Variants in ASCC3 observed in about 807,000 individuals in gnomAD.
ASCC3 encodes activating signal cointegrator 1 complex subunit 3, also known as ASC-1 complex subunit P200.
Under a neutral mutation model 256.3 loss-of-function variants are expected in ASCC3, and 158 were observed. The ratio of observed to expected loss-of-function variants is 0.62; its 90% CI spans 0.54 to 0.70. The LOEUF is 0.70. Among genes scored for constraint, ASCC3 ranks in the 30% least tolerant of loss-of-function variants. ASCC3 has a pLI of 0.00. For missense variants in ASCC3, 2,259 were observed against 2,626.0 expected, an observed-to-expected ratio of 0.86 and a Z score of 3.05; for synonymous variants, 948 against 883.4, an observed-to-expected ratio of 1.07 and a Z score of -1.30.
intron 1 of ASCC3, among the ~76,000 whole-genome samples, chr6:100,868,439 G>T (rs1015883128): frequency 6.6e-5 from 10 of 152,136 alleles, no homozygotes; most frequent in African/African-American, 2.4e-4. Context: ...GGTTTCCCTT[G>T]ATGTTCGTAT....
chr6:100,722,346 G>T (rs994084813), intron 11 of ASCC3, among the ~76,000 whole-genome samples: 3 of 151,482 alleles, frequency 2.0e-5, no homozygotes, highest in African/African-American at 7.3e-5. Context: ...ATTAATTTTA[G>T]AATAGTTTTT....
At chr6:100,786,535 A>T (rs1178390978) in intron 8 of ASCC3, among the ~76,000 whole-genome samples, 1 of 152,212 alleles carries the variant, frequency 6.6e-6, no homozygotes, top group East Asian at 1.9e-4. Flanking sequence ...CAAATATTTT[A>T]TCCTTTGCAA....
intron 34 of ASCC3, among the ~76,000 whole-genome samples, chr6:100,590,947 G>A (rs891054917): frequency 2.4e-4 from 37 of 151,996 alleles, no homozygotes; most frequent in African/African-American, 8.9e-4. Flanking sequence ...AAATGGCTAG[G>A]TACACCCAAA....
At position 100,860,049 on chromosome 6, in the gene ASCC3, T is replaced by C. The variant is rs1773146699; in HGVS notation, c.241+4015A>G. 2.6e-5 allele frequency among the ~76,000 whole-genome samples: 4 copies of C among 152,056 alleles called. 1 individual carries two copies. In the South Asian group the frequency reaches 8.3e-4, roughly 31 times the overall value. ...CTTGGCCCCCATCTTAGTTTCTGTC[T>C]GCACTGTGCAAATCTTACTGGCCTC... is the stretch of plus-strand genomic sequence containing the variant. On this transcript the variant is annotated intron_variant, in intron 3 of 41. Coordinates refer to ENST00000369162, the MANE Select transcript of ASCC3 (RefSeq NM_006828.4).
At chr6:100,874,583 T>C (rs1773908590) in intron 1 of ASCC3, among the ~76,000 whole-genome samples, 1 of 152,086 alleles carries the variant, frequency 6.6e-6, no homozygotes, top group Non-Finnish European at 1.5e-5. Context: ...AAATATTATG[T>C]TATTCATTCA....
chr6:100,594,808 T>C (rs1425869355), intron 34 of ASCC3, among the ~76,000 whole-genome samples: 2 of 152,076 alleles, frequency 1.3e-5, no homozygotes, highest in Non-Finnish European at 2.9e-5. Flanking sequence ...GATATTCAAA[T>C]GGATTTGAAA....
intron 36 of ASCC3, among the ~76,000 whole-genome samples, chr6:100,555,088 A>T (rs1463419163): frequency 6.6e-6 from 1 of 151,964 alleles, no homozygotes; most frequent in Non-Finnish European, 1.5e-5. Flanking sequence ...AATTCACTGC[A>T]AGGTATACTA....
intron 4 of ASCC3, among the ~76,000 whole-genome samples, chr6:100,825,022 CT>C (rs1771229816): frequency 6.6e-6 from 1 of 151,972 alleles, no homozygotes; most frequent in Non-Finnish European, 1.5e-5. Context: ...CCAAAGGATG[CT>C]ACAATGATTG....
At chr6:100,662,322 T>C (rs1178889894) in intron 15 of ASCC3, 23 bp downstream of exon 15, 11 of 1,607,670 alleles carry the variant, frequency 6.8e-6, no homozygotes, top group Non-Finnish European at 8.5e-6. Context: ...AAAATCCATT[T>C]ATCAAGGAAG....
At chr6:100,598,873 A>G (rs1772448974) in intron 34 of ASCC3, among the ~76,000 whole-genome samples, 1 of 152,224 alleles carries the variant, frequency 6.6e-6, no homozygotes, top group African/African-American at 2.4e-5. Flanking sequence ...AAAGTAGGCA[A>G]AATTGAAAGA....
At chr6:100,816,078 C>T (rs988357587) in intron 4 of ASCC3, among the ~76,000 whole-genome samples, 3 of 151,892 alleles carry the variant, frequency 2.0e-5, no homozygotes, top group African/African-American at 7.3e-5. Flanking sequence ...GACAAACAAT[C>T]CCATTAGGAA....
chr6:100,702,848 T>C (rs982349490), intron 13 of ASCC3, among the ~76,000 whole-genome samples: 1 of 152,118 alleles, frequency 6.6e-6, no homozygotes, highest in Non-Finnish European at 1.5e-5. Context: ...CAACCTTTTA[T>C]TGAGGGTGTA....
chr6:100,529,929 T>G (rs1324167488), intron 37 of ASCC3, among the ~76,000 whole-genome samples: 1 of 151,796 alleles, frequency 6.6e-6, no homozygotes, highest in Non-Finnish European at 1.5e-5. Flanking sequence ...CCTCAATAAA[T>G]GTTCACCATT....
chr6:100,776,886 T>C (rs1447529795), intron 8 of ASCC3, among the ~76,000 whole-genome samples: 1 of 152,094 alleles, frequency 6.6e-6, no homozygotes, highest in Non-Finnish European at 1.5e-5. Flanking sequence ...CATATATTTA[T>C]GATAAATCAT....
rs1773637889 is a variant in ASCC3 at position 100,509,261 on chromosome 6, T to C, written c.*125A>G. ...GAGTCAATACTGCAGCCACTGTCAA[T>C]TTCCTGGATGGTTGAGGTTAGAAGT... On this transcript the variant is annotated 3_prime_UTR_variant, in exon 42 of 42. Transcript: ENST00000369162. 2 of 1,335,806 alleles carry C rather than the reference T, an allele frequency of 1.5e-6. No homozygotes were observed. Among genetic ancestry groups the C allele is most frequent in the East Asian group, 2.3e-5 (1 of 43,328 alleles). The allele number at this position is 1,335,806 out of a possible 1,614,324, so 82.7% of individuals were successfully genotyped here. A position where few individuals can be genotyped will look rare whatever the true frequency, so the allele number is the denominator to read the frequency against.
rs187498950 is a variant in ASCC3, at chr6:100,808,842, T to C, written c.802-2962A>G. ...CAGTATACTACACAGCTAGACTATA[T>C]GGTGTAGCCTATTTATCTTAGGCTA... On this transcript the variant is annotated intron_variant, in intron 4 of 41. Coordinates refer to ENST00000369162, the MANE Select transcript of ASCC3 (RefSeq NM_006828.4). Among the ~76,000 whole-genome samples the C allele has an allele frequency of 9.9e-5, 15 of 152,072 alleles. No individual in the cohort carries two copies. The East Asian group carries it at 2.7e-3, about 27-fold the overall frequency.
Position 100,646,686 on chromosome 6 carries a change from T to A in ASCC3, c.3562A>T (p.Ile1188Phe), listed in dbSNP as rs1471407082. 2.5e-6 allele frequency: 4 copies of A among 1,613,604 alleles called. No individual in the cohort carries two copies. The highest frequency in any genetic ancestry group is 3.4e-6 in the Non-Finnish European group (4 of 1,179,668). Residue 1188 changes from isoleucine to phenylalanine, a missense_variant, in exon 22 of 42, where the codon ATT becomes TTT. Around this residue, in one of 2 missense-constraint regions of ASCC3, gnomAD observed 1,839 missense variants for 2,206.7 expected, o/e 0.83. Coordinates refer to ENST00000369162, the MANE Select transcript of ASCC3 (RefSeq NM_006828.4). ...QIPSVMMEASIQPITRTVLRV... is the reference protein window; with the variant it reads ...QIPSVMMEASFQPITRTVLRV... ...AGGACAGTCCTTGTGATAGGCTGAA[T>A]GGATGCTTCCATCATAACAGAAGGA...
At chr6:100,859,376 T>C (rs1253838132) in intron 3 of ASCC3, among the ~76,000 whole-genome samples, 1 of 152,080 alleles carries the variant, frequency 6.6e-6, no homozygotes, top group Non-Finnish European at 1.5e-5. Flanking sequence ...CACATTACCC[T>C]GTCTGCCACT....
rs1259015513 is a variant in ASCC3 at position 100,512,874 on chromosome 6, T to G, written c.6120A>C (p.Ile2040=). 5 of 1,614,038 alleles carry G rather than the reference T, an allele frequency of 3.1e-6. No homozygotes were observed. The highest frequency in any genetic ancestry group is 2.2e-5 in the East Asian group (1 of 44,872). Residue 2040 remains isoleucine, a synonymous_variant, in exon 40 of 42, where the codon ATA becomes ATC. Transcript: ENST00000369162. ...LSHLPVINVG[I]SVKGSWDDLV... ...AGTCATCCCACGAGCCTTTAACACTTATGCCAACATTTATCACTGGCAAGT... is the reference window on the plus strand; with the variant it reads ...AGTCATCCCACGAGCCTTTAACACTGATGCCAACATTTATCACTGGCAAGT...
Sources: allele counts gnomAD v4.1 joint callset (sites outside exome capture counted in the v4.1 genomes callset), GRCh38; gene constraint gnomAD v4.1.1; regional missense constraint gnomAD v4.1.1; transcripts MANE v1.5; gene names NCBI Gene and HGNC (gene_info 2026-07-23, HGNC 2026-07-21).